The following SLC10A2 variants were observed in gnomAD, a reference collection of about 807,000 sequenced individuals.
SLC10A2 encodes ileal sodium/bile acid cotransporter.
A neutral mutation model predicts 27.1 loss-of-function variants in SLC10A2; 34 were observed. The ratio of observed to expected loss-of-function variants is 1.26; its 90% CI spans 0.96 to 1.67. The LOEUF is 1.67. SLC10A2 is among the 40% of genes most tolerant of loss of function. The pLI, the probability that SLC10A2 is intolerant of heterozygous loss-of-function variation, is 0.00. For missense variants in SLC10A2, 530 were observed against 444.4 expected, an observed-to-expected ratio of 1.19 and a Z score of -1.73; for synonymous variants, 205 against 174.0, an observed-to-expected ratio of 1.18 and a Z score of -1.40.
intron 2 of SLC10A2, among the ~76,000 whole-genome samples, chr13:103,055,887 G>T (rs925623305): frequency 1.3e-5 from 2 of 152,168 alleles, no homozygotes; most frequent in African/African-American, 4.8e-5. Flanking sequence ...ATTCCAGCTT[G>T]CAGCCTATGC....
rs2078420877 is a variant in SLC10A2, at chr13:103,045,451, T to C, written c.*682A>G. ...GACCCCTGAGGTAGAGCAATAGATGTACGATATCCCTGCTGAGTTAAGAGC... is the reference window on the plus strand; with the variant it reads ...GACCCCTGAGGTAGAGCAATAGATGCACGATATCCCTGCTGAGTTAAGAGC... On this transcript the variant is annotated 3_prime_UTR_variant, in exon 6 of 6. Coordinates refer to ENST00000245312, the MANE Select transcript of SLC10A2 (RefSeq NM_000452.3). 6.6e-6 allele frequency: 1 copy of C among 152,362 alleles called. No homozygotes were observed. Among genetic ancestry groups the C allele is most frequent in the Non-Finnish European group, 1.5e-5 (1 of 68,158 alleles). The allele number at this position is 152,362 out of a possible 1,614,324, so 9.4% of individuals were successfully genotyped here.
chr13:103,063,936 T>C (rs954374656), intron 1 of SLC10A2, among the ~76,000 whole-genome samples: 1 of 152,226 alleles, frequency 6.6e-6, no homozygotes, highest in African/African-American at 2.4e-5. Flanking sequence ...CTGCTTTGCT[T>C]TGCAGGCATT....
intron 2 of SLC10A2, among the ~76,000 whole-genome samples, chr13:103,053,413 C>A (rs1308144987): frequency 6.6e-6 from 1 of 152,070 alleles, no homozygotes; most frequent in Non-Finnish European, 1.5e-5. Flanking sequence ...GCTCACCTGG[C>A]CAGATAAAAG....
In SLC10A2 at chr13:103,053,128, A is replaced by G. The variant is rs889267731; in HGVS notation, c.497-420T>C. Among the ~76,000 whole-genome samples the G allele has an allele frequency of 1.9e-3, 229 of 123,364 alleles. 1 individual carries two copies. The highest frequency in any genetic ancestry group is 4.8e-4 in the Non-Finnish European group (27 of 56,662). 80.9% of individuals were successfully genotyped at this position (123,364 alleles called of 152,430 possible). A position where few individuals can be genotyped will look rare whatever the true frequency, so the allele number is the denominator to read the frequency against. ...TGTGTGTGTGTGTGTGTGTGTGTGT[A>G]TGGCATACAAAGATGACATTTTACA... On this transcript the variant is annotated intron_variant, in intron 2 of 5. Coordinates refer to ENST00000245312, the MANE Select transcript of SLC10A2 (RefSeq NM_000452.3).
At chr13:103,050,334 C>G (rs188663789) in intron 4 of SLC10A2, among the ~76,000 whole-genome samples, 54 of 152,268 alleles carry the variant, frequency 3.5e-4, no homozygotes, top group Non-Finnish European at 3.2e-4. Context: ...CTGCGCTCTT[C>G]TTGCTGCCCA....
chr13:103,058,063 C>G (rs1875990400), intron 2 of SLC10A2, among the ~76,000 whole-genome samples: 1 of 152,008 alleles, frequency 6.6e-6, no homozygotes, highest in African/African-American at 2.4e-5. Flanking sequence ...GAAGAAAAGA[C>G]AGGTTCTCCC....
intron 2 of SLC10A2, among the ~76,000 whole-genome samples, chr13:103,057,852 C>G (rs572472360): frequency 5.3e-5 from 8 of 151,490 alleles, no homozygotes; most frequent in African/African-American, 1.9e-4. Flanking sequence ...GCACTCCAGG[C>G]TGGGTGGCAG....
intron 1 of SLC10A2, among the ~76,000 whole-genome samples, chr13:103,059,090 C>G (rs530376390): frequency 2.2e-4 from 34 of 152,270 alleles, no homozygotes; most frequent in African/African-American, 7.9e-4. Context: ...GATAAGTATT[C>G]CTTTTTCTCT....
rs1157681681 is a variant in SLC10A2, at chr13:103,045,393, GT to G, written c.*739del. The G allele has an allele frequency of 6.6e-6, 1 of 152,198 alleles. No individual in the cohort carries two copies. The highest frequency in any genetic ancestry group is 1.9e-4 in the East Asian group (1 of 5,194). 9.4% of individuals were successfully genotyped at this position (152,198 alleles called of 1,614,324 possible). On this transcript the variant is annotated 3_prime_UTR_variant, in exon 6 of 6. Coordinates refer to ENST00000245312, the MANE Select transcript of SLC10A2 (RefSeq NM_000452.3). Reference sequence around the variant, plus strand: ...AATACACACCGTTTGAAAGAATTATGTTTTTCCTTGGAAGATCTAGTGGGTA... The same window carrying G: ...AATACACACCGTTTGAAAGAATTATGTTTTCCTTGGAAGATCTAGTGGGTA...
rs147515410 is a variant in SLC10A2 at position 103,051,363 on chromosome 13, C to G, written c.655G>C (p.Ala219Pro). ...AVVGGILYQS[A>P]WIIAPKLWII... ...CACAGTTTGGGAGCAATGATCCAGGCGCTTTGGTACAATATTCCTCCAACC... is the reference window on the plus strand; with the variant it reads ...CACAGTTTGGGAGCAATGATCCAGGGGCTTTGGTACAATATTCCTCCAACC... The change falls in exon 4 of 6, where the codon GCC becomes CCC. Residue 219 changes from alanine to proline, a missense_variant. Transcript: ENST00000245312. The G allele has an allele frequency of 6.2e-7, 1 of 1,613,950 alleles. No individual in the cohort carries two copies. The highest frequency in any genetic ancestry group is 1.7e-5 in the Admixed American group (1 of 60,002).
rs372154569 is a variant in SLC10A2, at chr13:103,052,602, G to T, written c.585+18C>A. On this transcript the variant is annotated intron_variant, in intron 3 of 5. Transcript: ENST00000245312. ...TTGTCACAGTGGAATATTTAATGGT[G>T]TGAACTGGGATACTTACTTTAAGTA... 1.7e-5 allele frequency: 25 copies of T among 1,500,668 alleles called. No homozygotes were observed. The highest frequency in any genetic ancestry group is 1.5e-4 in the Admixed American group (9 of 59,850). The allele number at this position is 1,500,668 out of a possible 1,614,324, so 93.0% of individuals were successfully genotyped here.
intron 5 of SLC10A2, 98 bp downstream of exon 5, chr13:103,049,191 T>G: frequency 7.8e-7 from 1 of 1,288,038 alleles, no homozygotes; most frequent in Non-Finnish European, 1.1e-6. Context: ...ATTTGTACAA[T>G]TCACCACCAG....
chr13:103,065,757 A>G, intron 1 of SLC10A2, 116 bp downstream of exon 1: 1 of 1,175,958 alleles, frequency 8.5e-7, no homozygotes, highest in Admixed American at 1.7e-5. Flanking sequence ...CTCCTGTTTG[A>G]TTCCTTAGTC....
chr13:103,064,953 T>C (rs147592700), intron 1 of SLC10A2, among the ~76,000 whole-genome samples: 2 of 152,352 alleles, frequency 1.3e-5, no homozygotes, highest in East Asian at 1.9e-4. Flanking sequence ...TTCTCTCCTC[T>C]GCCAATAGTA....
chr13:103,061,130 T>C (rs1876105301), intron 1 of SLC10A2, among the ~76,000 whole-genome samples: 1 of 152,196 alleles, frequency 6.6e-6, no homozygotes, highest in African/African-American at 2.4e-5. Context: ...TAACAAATAA[T>C]GTGGATGTAT....
At chr13:103,055,968 G>T (rs1875925568) in intron 2 of SLC10A2, among the ~76,000 whole-genome samples, 1 of 152,100 alleles carries the variant, frequency 6.6e-6, no homozygotes, top group Non-Finnish European at 1.5e-5. Flanking sequence ...TTCCTTTGTT[G>T]TCTATTGCCT....
intron 4 of SLC10A2, among the ~76,000 whole-genome samples, chr13:103,050,417 C>T (rs1318440540): frequency 1.3e-5 from 2 of 152,112 alleles, no homozygotes; most frequent in Admixed American, 6.6e-5. Flanking sequence ...CCTGTGGATT[C>T]GATGGATTAG....
intron 1 of SLC10A2, among the ~76,000 whole-genome samples, chr13:103,064,602 C>A (rs940703040): frequency 6.6e-6 from 1 of 152,170 alleles, no homozygotes; most frequent in African/African-American, 2.4e-5. Context: ...CAGGTGCTGG[C>A]ATTTAGAATT....
rs139024168 is a variant in SLC10A2 at position 103,049,339 on chromosome 13, G to A, written c.869C>T (p.Pro290Leu). The change falls in exon 5 of 6, where the codon CCG (proline) becomes CTG (leucine). Residue 290 changes from proline to leucine, a missense_variant. By Grantham distance (98) the Pro-to-Leu change is moderately conservative. Transcript: ENST00000245312. ...PEELNVVFTF[P>L]LIYSIFQLAF... ...GAGCTGGAAAATGCTGTAGATGAGCGGGAAGGTGAATACGACATTGAGCTC... is the reference window on the plus strand; with the variant it reads ...GAGCTGGAAAATGCTGTAGATGAGCAGGAAGGTGAATACGACATTGAGCTC... 111 of 1,613,952 alleles carry A rather than the reference G, an allele frequency of 6.9e-5. 1 individual carries two copies. Among genetic ancestry groups the A allele is most frequent in the Admixed American group, 2.3e-4 (14 of 60,004 alleles).
Sources: allele counts gnomAD v4.1 joint callset (sites outside exome capture counted in the v4.1 genomes callset), GRCh38; gene constraint gnomAD v4.1.1; transcripts MANE v1.5; gene names NCBI Gene and HGNC (gene_info 2026-07-23, HGNC 2026-07-21).